Variants in MGARP observed in about 807,000 individuals in gnomAD.
MGARP encodes the protein mitochondria localized glutamic acid rich protein, also known as protein MGARP.
In MGARP, 12 loss-of-function variants were observed where a neutral mutation model predicts 11.0. The ratio of observed to expected loss-of-function variants is 1.09; its 90% CI spans 0.70 to 1.77. The LOEUF (loss-of-function observed/expected upper bound fraction) is 1.77, where lower values mean the gene tolerates loss of function less well. MGARP is among the 40% of genes most tolerant of loss of function. MGARP has a pLI of 0.00. For missense variants in MGARP, 283 were observed against 297.8 expected (o/e 0.95, Z 0.36); for synonymous variants, 110 against 115.4 (o/e 0.95, Z 0.30).
rs537173306 is a variant in MGARP at position 139,275,727 on chromosome 4, A to G, written c.83-335T>C. On this transcript the variant is annotated intron_variant, in intron 1 of 3. Transcript: ENST00000398955. ...GCACATTAGCAAGAGAAAGCCATGT[A>G]CTATATGTACTCCACTACAGGATTC... 1.6e-4 allele frequency among the ~76,000 whole-genome samples: 24 copies of G among 152,358 alleles called. No individual in the cohort carries two copies. In the South Asian group the frequency reaches 4.6e-3, roughly 29 times the overall value.
Position 139,280,161 on chromosome 4 carries a change from C to A in MGARP, c.-3G>T. 6.2e-7 allele frequency: 1 copy of A among 1,606,596 alleles called. No homozygotes were observed. Among genetic ancestry groups the A allele is most frequent in the Non-Finnish European group, 8.5e-7 (1 of 1,177,758 alleles). ...GAGACCGCCCTGCGGAGATACATCG[C>A]GCCCGCTGTCCGCCGCGCAGCAGCC... On this transcript the variant is annotated 5_prime_UTR_variant, in exon 1 of 4. Coordinates refer to ENST00000398955, the MANE Select transcript of MGARP (RefSeq NM_032623.4).
chr4:139,279,138 GA>G (rs1195062558), intron 1 of MGARP, among the ~76,000 whole-genome samples: 1 of 152,212 alleles, frequency 6.6e-6, no homozygotes, highest in Non-Finnish European at 1.5e-5. Context: ...GTGGAAGAGA[GA>G]GGGGTGACGG....
intron 2 of MGARP, among the ~76,000 whole-genome samples, 195 bp downstream of exon 2, chr4:139,275,094 T>C (rs989936346): frequency 7.9e-5 from 12 of 152,252 alleles, no homozygotes; most frequent in Admixed American, 3.3e-4. Context: ...GTCTAGCTAA[T>C]ATATTCTTAT....
In MGARP at chr4:139,266,776, A is replaced by G. The variant is rs779535692; in HGVS notation, c.546T>C (p.Ala182=). Residue 182 remains alanine (A), a synonymous_variant, in exon 4 of 4, where the codon GCT becomes GCC. Transcript: ENST00000398955. Reference sequence around the variant, plus strand: ...CGATGGTGACAGCTTCATCCAGGGCAGCATTTGTAACCTCTGGGGTTGTTT... The same window carrying G: ...CGATGGTGACAGCTTCATCCAGGGCGGCATTTGTAACCTCTGGGGTTGTTT... ...NPETTPEVTN[A]ALDEAVTIDN... The G allele has an allele frequency of 5.0e-6, 8 of 1,614,058 alleles. No homozygotes were observed. Among genetic ancestry groups the G allele is most frequent in the Middle Eastern group, 1.6e-4 (1 of 6,084 alleles).
rs768365647 is a variant in MGARP at position 139,266,664 on chromosome 4, A to G, written c.658T>C (p.Ser220Pro). 1 of 1,614,186 alleles carries G rather than the reference A, an allele frequency of 6.2e-7. No homozygotes were observed. The highest frequency in any genetic ancestry group is 8.5e-7 in the Non-Finnish European group (1 of 1,180,034). The change falls in exon 4 of 4, where the codon TCT becomes CCT. Residue 220 changes from serine (S) to proline (P), a missense_variant. Coordinates refer to ENST00000398955, the MANE Select transcript of MGARP (RefSeq NM_032623.4). Reference sequence around the variant, plus strand: ...TCCTCCTGTAAATCATCTCCAGCAGAGGACTCTGACTCAGCTGGAGAATTT... The same window carrying G: ...TCCTCCTGTAAATCATCTCCAGCAGGGGACTCTGACTCAGCTGGAGAATTT... ...EENSPAESESSAGDDLQEEAS... is the reference protein window; with the variant it reads ...EENSPAESESPAGDDLQEEAS...
At chr4:139,267,524 A>G (rs1744716268) in intron 3 of MGARP, among the ~76,000 whole-genome samples, 1 of 152,184 alleles carries the variant, frequency 6.6e-6, no homozygotes. Flanking sequence ...TCCTCTCTCA[A>G]TCTCATTTTT....
intron 1 of MGARP, among the ~76,000 whole-genome samples, chr4:139,279,112 C>T (rs1744916898): frequency 6.6e-6 from 1 of 152,118 alleles, no homozygotes; most frequent in South Asian, 2.1e-4. Context: ...GTCTAAGAGC[C>T]GTCCCCCAGT....
chr4:139,275,771 T>A lies in MGARP; in HGVS notation c.83-379A>T, dbSNP rs989571691. 7.9e-5 allele frequency among the ~76,000 whole-genome samples: 12 copies of A among 152,336 alleles called. No homozygotes were observed. In the East Asian group the frequency reaches 1.5e-3, roughly 20 times the overall value. ...AGGATTCAGTGAAAATATTATTTTT[T>A]AAAAAATGAATTCAGTATGTTTATA... On this transcript the variant is annotated intron_variant, in intron 1 of 3. Transcript: ENST00000398955.
intron 2 of MGARP, among the ~76,000 whole-genome samples, chr4:139,272,057 GTT>G (rs34302192): frequency 5.5e-5 from 8 of 144,872 alleles, no homozygotes; most frequent in Non-Finnish European, 3.0e-5. Flanking sequence ...CTCAATCTCT[GTT>G]TTTTTTTTTT....
chr4:139,267,749 C>T (rs1459164923), intron 3 of MGARP, among the ~76,000 whole-genome samples: 3 of 151,884 alleles, frequency 2.0e-5, no homozygotes, highest in African/African-American at 7.3e-5. Context: ...ATTCATAAGC[C>T]CCTAATATCT....
chr4:139,278,047 G>C (rs1462255891), intron 1 of MGARP, among the ~76,000 whole-genome samples: 1 of 152,044 alleles, frequency 6.6e-6, no homozygotes, highest in Non-Finnish European at 1.5e-5. Context: ...GACCAACATG[G>C]AGAAACCCCA....
At chr4:139,279,205 C>G (rs1335397468) in intron 1 of MGARP, among the ~76,000 whole-genome samples, 1 of 152,156 alleles carries the variant, frequency 6.6e-6, no homozygotes, top group Non-Finnish European at 1.5e-5. Flanking sequence ...CAAGCCTGGT[C>G]CCAGAAGAAA....
chr4:139,280,195 C>T lies in MGARP; in HGVS notation c.-37G>A. On this transcript the variant is annotated 5_prime_UTR_variant, in exon 1 of 4. Coordinates refer to ENST00000398955, the MANE Select transcript of MGARP (RefSeq NM_032623.4). ...TCCGCCGCGCAGCAGCCTCGGTACCCAGGCGCAGGCTGCCCTTCCACAGAG... is the reference window on the plus strand; with the variant it reads ...TCCGCCGCGCAGCAGCCTCGGTACCTAGGCGCAGGCTGCCCTTCCACAGAG... The T allele has an allele frequency of 1.3e-6, 2 of 1,578,848 alleles. No homozygotes were observed. Among genetic ancestry groups the T allele is most frequent in the African/African-American group, 2.7e-5 (2 of 74,126 alleles).
At chr4:139,268,504 T>C (rs963111370) in intron 3 of MGARP, among the ~76,000 whole-genome samples, 168 bp downstream of exon 3, 1 of 152,224 alleles carries the variant, frequency 6.6e-6, no homozygotes, top group Non-Finnish European at 1.5e-5. Context: ...ACAGTGTTCT[T>C]CAGGTTTCAG....
chr4:139,269,087 A>G (rs528979433), intron 2 of MGARP, among the ~76,000 whole-genome samples: 2 of 152,338 alleles, frequency 1.3e-5, no homozygotes, highest in Admixed American at 6.5e-5. Flanking sequence ...TAATTTACCT[A>G]TTAACAAACC....
chr4:139,277,388 T>C (rs1395744919), intron 1 of MGARP, among the ~76,000 whole-genome samples: 2 of 152,168 alleles, frequency 1.3e-5, no homozygotes, highest in Non-Finnish European at 2.9e-5. Context: ...TGAGAAGAGG[T>C]TATCGCTTTG....
At chr4:139,274,784 CT>C (rs1744842374) in intron 2 of MGARP, among the ~76,000 whole-genome samples, 1 of 152,102 alleles carries the variant, frequency 6.6e-6, no homozygotes, top group Non-Finnish European at 1.5e-5. Context: ...CACCCAGCTC[CT>C]ATATTAATTT....
At chr4:139,268,607 CTAAGT>C (rs1744730876) in intron 3 of MGARP, 60 bp downstream of exon 3, 1 of 1,132,612 alleles carries the variant, frequency 8.8e-7, no homozygotes, top group Admixed American at 2.2e-5. Flanking sequence ...CATTGCTAGA[CTAAGT>C]GGATGGAAAT....
intron 2 of MGARP, among the ~76,000 whole-genome samples, chr4:139,270,808 G>A (rs944890110): frequency 1.4e-4 from 21 of 152,046 alleles, no homozygotes; most frequent in African/African-American, 4.8e-4. Context: ...TTTCCGAGTA[G>A]GGTGTGTGTT....
Sources: allele counts gnomAD v4.1 joint callset (sites outside exome capture counted in the v4.1 genomes callset), GRCh38; gene constraint gnomAD v4.1.1; transcripts MANE v1.5; gene names NCBI Gene and HGNC (gene_info 2026-07-23, HGNC 2026-07-21).